DLG2: variants seen among roughly 807,000 people sequenced by gnomAD.
DLG2 encodes the protein disks large homolog 2.
DLG2 carries 45 observed loss-of-function variants against 132.5 expected under a neutral mutation model. The observed-to-expected ratio is 0.34, with a 90% CI of 0.27 to 0.44. DLG2 has a LOEUF of 0.44. DLG2 is among the 20% of genes least tolerant of loss of function. The probability of loss-of-function intolerance (pLI) is 1.00; values close to 1 mark genes in which losing one functional copy is unlikely to be tolerated. For missense variants in DLG2, 1,045 were observed against 1,196.9 expected, an observed-to-expected ratio of 0.87 and a Z score of 1.87; for synonymous variants, 424 against 419.6, an observed-to-expected ratio of 1.01 and a Z score of -0.13.
chr11:83,530,642 A>G (rs1034592073), intron 21 of DLG2, among the ~76,000 whole-genome samples: 1 of 152,032 alleles, frequency 6.6e-6, no homozygotes, highest in African/African-American at 2.4e-5. Context: ...CTAACATCAC[A>G]CTTCATGGCG....
At chr11:84,960,106 A>C (rs1046338314) in intron 6 of DLG2, among the ~76,000 whole-genome samples, 15 of 152,206 alleles carry the variant, frequency 9.9e-5, no homozygotes, top group Admixed American at 3.3e-4. Context: ...GAAGACACTA[A>C]ACTTAGAGAA....
chr11:84,810,379 C>G (rs973875790), intron 6 of DLG2, among the ~76,000 whole-genome samples: 8 of 152,072 alleles, frequency 5.3e-5, no homozygotes, highest in African/African-American at 1.7e-4. Flanking sequence ...TACCTGATTT[C>G]AAGACACATA....
chr11:84,534,562 T>A lies in DLG2; in HGVS notation c.519+8A>T. On this transcript the variant is annotated splice_region_variant and intron_variant, in intron 7 of 27. Transcript: ENST00000376104. Reference sequence around the variant, plus strand: ...CAACTATAAAGTCGGAAGAGCAATATAACTGACCTTCAGAGGAGAAATATG... The same window carrying A: ...CAACTATAAAGTCGGAAGAGCAATAAAACTGACCTTCAGAGGAGAAATATG... 1 of 1,613,154 alleles carries A rather than the reference T, an allele frequency of 6.2e-7. No homozygotes were observed. Among genetic ancestry groups the A allele is most frequent in the Non-Finnish European group, 8.5e-7 (1 of 1,179,206 alleles).
intron 3 of DLG2, among the ~76,000 whole-genome samples, chr11:85,462,041 C>T (rs1038017006): frequency 6.6e-6 from 1 of 152,180 alleles, no homozygotes; most frequent in Non-Finnish European, 1.5e-5. Context: ...TCAAAAGACA[C>T]ATGAAAACAT....
intron 3 of DLG2, among the ~76,000 whole-genome samples, chr11:85,478,076 T>C (rs868332441): frequency 2.6e-5 from 4 of 152,012 alleles, no homozygotes; most frequent in Admixed American, 1.3e-4. Flanking sequence ...GATGGGATCA[T>C]AGCTCACTGC....
chr11:84,448,763 T>G (rs955054828), intron 7 of DLG2, among the ~76,000 whole-genome samples: 1 of 152,076 alleles, frequency 6.6e-6, no homozygotes, highest in Non-Finnish European at 1.5e-5. Flanking sequence ...TGAGCTTATG[T>G]TTCCCTCCGA....
intron 5 of DLG2, among the ~76,000 whole-genome samples, chr11:85,138,842 C>A (rs1467154758): frequency 6.6e-6 from 1 of 150,808 alleles, no homozygotes; most frequent in Non-Finnish European, 1.5e-5. Flanking sequence ...ACCTCTTGTT[C>A]TTTCCAGTCT....
intron 6 of DLG2, among the ~76,000 whole-genome samples, chr11:84,979,708 T>C (rs943873934): frequency 5.9e-5 from 9 of 152,128 alleles, no homozygotes; most frequent in African/African-American, 1.7e-4. Context: ...TAATATTAAA[T>C]GACAAGTTAA....
At chr11:85,501,127 C>A (rs553422194) in intron 3 of DLG2, among the ~76,000 whole-genome samples, 156 of 152,228 alleles carry the variant, frequency 1.0e-3, no homozygotes, top group Non-Finnish European at 1.6e-3. Context: ...CATCTACCAC[C>A]ACCTGATCTT....
At chr11:83,853,733 T>C (rs1414388100) in intron 16 of DLG2, among the ~76,000 whole-genome samples, 1 of 152,134 alleles carries the variant, frequency 6.6e-6, no homozygotes, top group African/African-American at 2.4e-5. Flanking sequence ...ACTCCTCAAC[T>C]TATTAAATAA....
intron 5 of DLG2, among the ~76,000 whole-genome samples, chr11:85,133,637 T>C (rs2075909908): frequency 6.6e-6 from 1 of 152,160 alleles, no homozygotes; most frequent in Non-Finnish European, 1.5e-5. Flanking sequence ...AACCTGAACA[T>C]ATAAATGAAT....
At chr11:84,375,760 C>T (rs777615770) in intron 7 of DLG2, among the ~76,000 whole-genome samples, 54 of 152,020 alleles carry the variant, frequency 3.6e-4, no homozygotes, top group Admixed American at 7.2e-4. Flanking sequence ...AACATCTCTA[C>T]CTCTGCTTTG....
chr11:83,953,332 C>T (rs987829901), intron 14 of DLG2, among the ~76,000 whole-genome samples: 1 of 152,170 alleles, frequency 6.6e-6, no homozygotes, highest in African/African-American at 2.4e-5. Context: ...AGCTTTACTG[C>T]CTGAGCTTCC....
intron 6 of DLG2, among the ~76,000 whole-genome samples, chr11:84,823,348 T>C (rs2077921833): frequency 6.6e-6 from 1 of 151,760 alleles, no homozygotes; most frequent in African/African-American, 2.4e-5. Flanking sequence ...TAGGAGTTTG[T>C]CTCTTACTGT....
chr11:85,191,160 G>GCGCA (rs1555395201), intron 4 of DLG2, among the ~76,000 whole-genome samples: 2 of 101,108 alleles, frequency 2.0e-5, no homozygotes, highest in African/African-American at 4.4e-5. Flanking sequence ...GCGCGCACGC[G>GCGCA]CGCACACACA....
At chr11:85,385,081 T>G (rs1474070228) in intron 3 of DLG2, among the ~76,000 whole-genome samples, 1 of 152,204 alleles carries the variant, frequency 6.6e-6, no homozygotes, top group African/African-American at 2.4e-5. Flanking sequence ...TGAGAACTAA[T>G]TCTTTGAGAC....
At chr11:85,622,277 GTAGTATACAATATA>G (rs1565776240) in intron 2 of DLG2, among the ~76,000 whole-genome samples, 2 of 151,984 alleles carry the variant, frequency 1.3e-5, no homozygotes, top group Non-Finnish European at 2.9e-5. Flanking sequence ...CATATATACC[GTAGTATACAATATA>G]TTGTATATAT....
intron 3 of DLG2, among the ~76,000 whole-genome samples, chr11:85,299,538 A>C (rs473968): frequency 6.6e-6 from 1 of 151,976 alleles, no homozygotes; most frequent in African/African-American, 2.4e-5. Flanking sequence ...TGCACTTTGC[A>C]TTTATCTTGT....
chr11:84,991,615 C>T (rs905554407), intron 6 of DLG2, among the ~76,000 whole-genome samples: 4 of 151,424 alleles, frequency 2.6e-5, no homozygotes, highest in Non-Finnish European at 4.4e-5. Flanking sequence ...GTGGGTATTG[C>T]TATAAAAGGA....
Sources: gnomAD v4.1 joint callset for allele counts (sites outside exome capture counted in the v4.1 genomes callset) on GRCh38, gnomAD v4.1.1 for gene constraint, MANE v1.5 for transcripts, NCBI Gene and HGNC (gene_info 2026-07-23, HGNC 2026-07-21) for gene names.